The following MAP4 variants were observed in gnomAD, a reference collection of about 807,000 sequenced individuals.
MAP4 encodes microtubule associated protein 4, also known as microtubule-associated protein 4.
In MAP4, 76 loss-of-function variants were observed where a neutral mutation model predicts 170.2. The ratio of observed to expected loss-of-function variants is 0.45; its 90% confidence interval spans 0.37 to 0.54. The LOEUF is 0.54. Among genes scored for constraint, MAP4 ranks in the 20% least tolerant of loss-of-function variants. MAP4 has a pLI of 0.00. For missense variants in MAP4, 2,506 were observed against 2,748.0 expected, an observed-to-expected ratio of 0.91 and a Z score of 1.97; for synonymous variants, 909 against 994.5, an observed-to-expected ratio of 0.91 and a Z score of 1.62.
At chr3:48,060,712 A>C (rs2100134725) in intron 1 of MAP4, among the ~76,000 whole-genome samples, 1 of 151,992 alleles carries the variant, frequency 6.6e-6, no homozygotes, top group Admixed American at 6.6e-5. Context: ...CCAGGAGTTC[A>C]AGACCAGCCT....
intron 17 of MAP4, among the ~76,000 whole-genome samples, chr3:47,859,673 T>C (rs940994340): frequency 6.6e-6 from 1 of 152,246 alleles, no homozygotes; most frequent in African/African-American, 2.4e-5. Context: ...TATACCATAA[T>C]GGCTTCACGT....
At chr3:48,078,996 C>T (rs1029817145) in intron 1 of MAP4, among the ~76,000 whole-genome samples, 19 of 151,940 alleles carry the variant, frequency 1.3e-4, no homozygotes, top group East Asian at 3.9e-4. Flanking sequence ...CATGGTGAAA[C>T]GCTGTCTCTA....
intron 5 of MAP4, among the ~76,000 whole-genome samples, 195 bp downstream of exon 5, chr3:47,921,570 A>G (rs2100042886): frequency 6.6e-6 from 1 of 152,194 alleles, no homozygotes; most frequent in Non-Finnish European, 1.5e-5. Context: ...ATAAGGTGGA[A>G]TTCTAAAGCC....
intron 1 of MAP4, among the ~76,000 whole-genome samples, chr3:48,031,843 T>C (rs1406225334): frequency 2.6e-5 from 4 of 152,126 alleles, no homozygotes; most frequent in Non-Finnish European, 5.9e-5. Context: ...ATCACAGCAC[T>C]GTACTCCAGC....
chr3:48,037,885 G>A (rs919867282), intron 1 of MAP4, among the ~76,000 whole-genome samples: 7 of 151,954 alleles, frequency 4.6e-5, no homozygotes, highest in South Asian at 4.2e-4. Context: ...GAGGATTTTC[G>A]GCCAGGCACA....
intron 17 of MAP4, among the ~76,000 whole-genome samples, chr3:47,861,131 T>C (rs1028305173): frequency 3.3e-5 from 5 of 151,874 alleles, no homozygotes; most frequent in Non-Finnish European, 7.4e-5. Flanking sequence ...GAGGCTGAGG[T>C]GGGTGGATCA....
At chr3:47,863,079 C>A (rs192207237) in intron 17 of MAP4, among the ~76,000 whole-genome samples, 2 of 151,990 alleles carry the variant, frequency 1.3e-5, no homozygotes, top group East Asian at 3.9e-4. Flanking sequence ...CAGGATCAAG[C>A]GATTCTCTTG....
chr3:47,891,574 G>A (rs557516582), intron 10 of MAP4: 10 of 1,533,620 alleles, frequency 6.5e-6, no homozygotes, highest in Admixed American at 5.9e-5. Flanking sequence ...GAACTGAGAG[G>A]TGAGAACATT....
chr3:48,021,434 G>A (rs552376227), intron 1 of MAP4, among the ~76,000 whole-genome samples: 5 of 151,744 alleles, frequency 3.3e-5, no homozygotes, highest in African/African-American at 4.8e-5. Flanking sequence ...TGCAACCTCC[G>A]CCTCCCAGGT....
chr3:48,088,089 G>A (rs1428203657), intron 1 of MAP4, among the ~76,000 whole-genome samples: 1 of 152,066 alleles, frequency 6.6e-6, no homozygotes, highest in East Asian at 1.9e-4. Context: ...AACTCACACC[G>A]GCGGAGAACT....
chr3:47,913,117 T>C (rs991556331), intron 8 of MAP4, among the ~76,000 whole-genome samples: 1 of 152,186 alleles, frequency 6.6e-6, no homozygotes, highest in Non-Finnish European at 1.5e-5. Flanking sequence ...GAAATATATA[T>C]AATGTTAAGT....
At chr3:48,009,596 A>C (rs567362588) in intron 1 of MAP4, among the ~76,000 whole-genome samples, 2 of 152,328 alleles carry the variant, frequency 1.3e-5, no homozygotes, top group East Asian at 3.9e-4. Flanking sequence ...TCACAATTAC[A>C]ACGCCAACTA....
intron 3 of MAP4, among the ~76,000 whole-genome samples, chr3:47,959,926 A>G (rs1467312698): frequency 2.6e-5 from 4 of 151,808 alleles, no homozygotes; most frequent in African/African-American, 9.7e-5. Flanking sequence ...GCAGTGGTGC[A>G]ATCTTGGTTC....
intron 2 of MAP4, among the ~76,000 whole-genome samples, chr3:47,980,446 AC>A (rs916733820): frequency 1.3e-5 from 2 of 152,202 alleles, no homozygotes; most frequent in Non-Finnish European, 2.9e-5. Flanking sequence ...ACTTTGGAAG[AC>A]CACAAACATG....
chr3:47,968,867 G>C (rs1368176862), intron 3 of MAP4, among the ~76,000 whole-genome samples: 2 of 152,180 alleles, frequency 1.3e-5, no homozygotes, highest in East Asian at 3.9e-4. Flanking sequence ...GAAAAAAGGA[G>C]AGAGGATTCA....
chr3:47,931,984 CA>C, intron 3 of MAP4: 1 of 152,214 alleles, frequency 6.6e-6, no homozygotes, highest in East Asian at 1.9e-4. Context: ...AAGTCGAGTT[CA>C]AAGGTTTTTT....
chr3:48,072,449 CAAG>C (rs2100141493), intron 1 of MAP4, among the ~76,000 whole-genome samples: 2 of 151,956 alleles, frequency 1.3e-5, no homozygotes, highest in African/African-American at 4.8e-5. Flanking sequence ...TGCAGTGAGC[CAAG>C]AAGGCGCCAC....
chr3:47,904,574 A>G (rs2100031837), intron 9 of MAP4, among the ~76,000 whole-genome samples: 2 of 139,396 alleles, frequency 1.4e-5, no homozygotes, highest in South Asian at 2.2e-4. Flanking sequence ...GGCCAGTGCT[A>G]TTATTATTAA....
intron 1 of MAP4, among the ~76,000 whole-genome samples, chr3:48,081,116 T>C (rs1400273159): frequency 3.4e-5 from 5 of 148,982 alleles, no homozygotes; most frequent in Admixed American, 2.0e-4. Flanking sequence ...AGAGCGAGAC[T>C]CCATCTCAAA....
Sources: gnomAD v4.1 joint callset for allele counts (sites outside exome capture counted in the v4.1 genomes callset) on GRCh38, gnomAD v4.1.1 for gene constraint, MANE v1.5 for transcripts, NCBI Gene and HGNC (gene_info 2026-07-23, HGNC 2026-07-21) for gene names.